The following LDLRAD3 variants were observed in gnomAD, a reference collection of about 807,000 sequenced individuals.
LDLRAD3 encodes low-density lipoprotein receptor class A domain-containing protein 3.
A neutral mutation model predicts 29.4 loss-of-function variants in LDLRAD3; 20 were observed. The observed-to-expected ratio is 0.68, with a 90% CI of 0.48 to 0.99. The LOEUF is 0.99. LDLRAD3 is among the 50% of genes least tolerant of loss of function. The pLI is 0.00. For synonymous variants in LDLRAD3, 157 were observed against 192.7 expected (o/e 0.81, Z 1.53); for missense variants, 420 against 454.3 (o/e 0.92, Z 0.69).
chr11:36,178,005 C>A (rs2133354585), intron 4 of LDLRAD3, among the ~76,000 whole-genome samples: 1 of 152,256 alleles, frequency 6.6e-6, no homozygotes, highest in African/African-American at 2.4e-5. Context: ...CAAGCCACTT[C>A]CTTCAAAGAT....
At chr11:35,998,000 T>C (rs1851776575) in intron 1 of LDLRAD3, among the ~76,000 whole-genome samples, 5 of 152,186 alleles carry the variant, frequency 3.3e-5, no homozygotes, top group Admixed American at 1.3e-4. Flanking sequence ...TGGACGGTCT[T>C]CTCTAGAAGG....
At chr11:36,043,278 C>T (rs1403944522) in intron 2 of LDLRAD3, among the ~76,000 whole-genome samples, 1 of 152,192 alleles carries the variant, frequency 6.6e-6, no homozygotes, top group Non-Finnish European at 1.5e-5. Context: ...TGCCACTGCA[C>T]TCAAGTCTGA....
At chr11:36,183,455 A>C (rs1854793832) in intron 4 of LDLRAD3, among the ~76,000 whole-genome samples, 1 of 152,212 alleles carries the variant, frequency 6.6e-6, no homozygotes, top group East Asian at 1.9e-4. Flanking sequence ...GAAATATTGC[A>C]CACTCTGTCC....
At position 36,227,112 on chromosome 11, in the gene LDLRAD3, C is replaced by T. The variant is rs1166654977; in HGVS notation, c.482C>T (p.Thr161Ile). Residue 161 changes from threonine (T) to isoleucine (I), a missense_variant, in exon 5 of 6, where the codon ACT (threonine) becomes ATT (isoleucine). Thr to Ile is a moderately conservative substitution (Grantham distance 89). Coordinates refer to ENST00000315571, the MANE Select transcript of LDLRAD3 (RefSeq NM_174902.4). Reference protein sequence around the residue: ...QEPGSGQVFVTSENQLVYYPS... With the variant: ...QEPGSGQVFVISENQLVYYPS... ...CCCGGCAGTGGGCAGGTGTTTGTGA[C>T]TTCAGAGAACCAACTTGTGTATTAC... The T allele has an allele frequency of 1.9e-6, 3 of 1,602,036 alleles. No homozygotes were observed. The highest frequency in any genetic ancestry group is 1.1e-5 in the South Asian group (1 of 90,314).
chr11:36,023,006 C>G (rs1242300613), intron 1 of LDLRAD3, among the ~76,000 whole-genome samples: 1 of 152,174 alleles, frequency 6.6e-6, no homozygotes, highest in African/African-American at 2.4e-5. Flanking sequence ...GCTAATTCCT[C>G]ATGATGGAGG....
chr11:35,953,858 A>G (rs1210139695), intron 1 of LDLRAD3, among the ~76,000 whole-genome samples: 1 of 152,210 alleles, frequency 6.6e-6, no homozygotes, highest in Non-Finnish European at 1.5e-5. Context: ...ACAGATTGAT[A>G]AAAACATTGG....
At chr11:36,020,527 G>C (rs1236918934) in intron 1 of LDLRAD3, among the ~76,000 whole-genome samples, 1 of 151,502 alleles carries the variant, frequency 6.6e-6, no homozygotes, top group Non-Finnish European at 1.5e-5. Context: ...CATTTCGATA[G>C]ACACTCTGTT....
chr11:36,147,646 T>C (rs955161670), intron 4 of LDLRAD3, among the ~76,000 whole-genome samples: 1 of 152,178 alleles, frequency 6.6e-6, no homozygotes, highest in African/African-American at 2.4e-5. Context: ...TTATTAACAA[T>C]TCCTAAAACA....
At chr11:36,055,614 A>G (rs900349238) in intron 2 of LDLRAD3, among the ~76,000 whole-genome samples, 1 of 152,236 alleles carries the variant, frequency 6.6e-6, no homozygotes, top group Non-Finnish European at 1.5e-5. Flanking sequence ...TGGTTCAGCC[A>G]TTGCCTGTGC....
intron 4 of LDLRAD3, among the ~76,000 whole-genome samples, chr11:36,125,575 C>T (rs896694591): frequency 6.6e-6 from 1 of 152,146 alleles, no homozygotes; most frequent in African/African-American, 2.4e-5. Flanking sequence ...AAACAGGCCT[C>T]AGCTGGTCGA....
At chr11:36,214,640 C>T (rs149720295) in intron 4 of LDLRAD3, among the ~76,000 whole-genome samples, 2 of 152,350 alleles carry the variant, frequency 1.3e-5, no homozygotes, top group African/African-American at 4.8e-5. Context: ...GACCTGCCCT[C>T]ATACCATGTG....
intron 1 of LDLRAD3, among the ~76,000 whole-genome samples, chr11:35,966,507 A>T (rs776210571): frequency 5.9e-5 from 9 of 152,232 alleles, no homozygotes; most frequent in Non-Finnish European, 1.2e-4. Flanking sequence ...ATGATGAAAT[A>T]ATAGGAAACA....
intron 4 of LDLRAD3, among the ~76,000 whole-genome samples, chr11:36,130,820 C>T (rs896393503): frequency 3.3e-5 from 5 of 152,198 alleles, no homozygotes; most frequent in African/African-American, 1.2e-4. Context: ...CCCAGGTTCA[C>T]TCTACTGGAA....
rs150541482 is a variant in LDLRAD3, at chr11:35,997,748, C to T, written c.47-38355C>T. The T allele has an allele frequency of 1.2e-4, 20 of 165,544 alleles. No individual in the cohort carries two copies. The East Asian group carries it at 3.7e-3, about 31-fold the overall frequency. 10.3% of individuals were successfully genotyped at this position (165,544 alleles called of 1,614,324 possible). On this transcript the variant is annotated intron_variant, in intron 1 of 5. Coordinates refer to ENST00000315571, the MANE Select transcript of LDLRAD3 (RefSeq NM_174902.4). ...CAATAAAGTTGCACCTTGGCCTCCT[C>T]CAAGCCGAAAGCCAAAAGTGGAGAC... is the stretch of plus-strand genomic sequence containing the variant.
intron 3 of LDLRAD3, among the ~76,000 whole-genome samples, chr11:36,088,141 C>T (rs1853222877): frequency 6.6e-6 from 1 of 152,094 alleles, no homozygotes; most frequent in Admixed American, 6.5e-5. Flanking sequence ...AGGTGTGAGC[C>T]ACCCCACCCA....
chr11:36,125,940 A>T (rs935375951), intron 4 of LDLRAD3, among the ~76,000 whole-genome samples: 22 of 152,092 alleles, frequency 1.4e-4, no homozygotes, highest in African/African-American at 5.3e-4. Context: ...AAGGCAGCTG[A>T]TAGAGAAGCT....
At chr11:36,083,765 CACACACACACACACA>C (rs776227492) in intron 3 of LDLRAD3, among the ~76,000 whole-genome samples, 10,040 of 151,464 alleles carry the variant, frequency 0.066, 406 homozygotes, top group Middle Eastern at 0.12. Flanking sequence ...CACACACACA[CACACACACACACACA>C]CCCCAGAATA....
chr11:36,068,833 C>T (rs1350171122), intron 2 of LDLRAD3, among the ~76,000 whole-genome samples: 2 of 152,110 alleles, frequency 1.3e-5, no homozygotes, highest in Non-Finnish European at 2.9e-5. Context: ...CTAGATGCTT[C>T]TTATCTCTGA....
At chr11:36,047,274 A>T (rs78121189) in intron 2 of LDLRAD3, among the ~76,000 whole-genome samples, 2,819 of 152,338 alleles carry the variant, frequency 0.019, 74 homozygotes, top group African/African-American at 0.064. Flanking sequence ...TTCTTGAGAA[A>T]TCAGATATTA....
Sources: allele counts gnomAD v4.1 joint callset (sites outside exome capture counted in the v4.1 genomes callset), GRCh38; gene constraint gnomAD v4.1.1; transcripts MANE v1.5; gene names NCBI Gene and HGNC (gene_info 2026-07-23, HGNC 2026-07-21).